The following RABEPK variants were observed in gnomAD, a reference collection of about 807,000 sequenced individuals.
The protein encoded by RABEPK is Rab9 effector protein with kelch motifs.
Under a neutral mutation model 34.1 loss-of-function variants are expected in RABEPK, and 27 were observed. The ratio of observed to expected loss-of-function variants is 0.79; its 90% CI spans 0.58 to 1.09. RABEPK has a LOEUF of 1.09. RABEPK is among the 50% of genes least tolerant of loss of function. The probability of loss-of-function intolerance (pLI) is 0.00; values close to 1 mark genes in which losing one functional copy is unlikely to be tolerated. For missense variants in RABEPK, 449 were observed against 462.6 expected, an observed-to-expected ratio of 0.97 and a Z score of 0.27; for synonymous variants, 172 against 169.2, an observed-to-expected ratio of 1.02 and a Z score of -0.13.
chr9:125,228,760 G>A (rs10986658), intron 6 of RABEPK, among the ~76,000 whole-genome samples: 1,964 of 151,362 alleles, frequency 0.013, 104 homozygotes, highest in East Asian at 0.084. Context: ...TAAGGAGGTC[G>A]AGACCAGCCT....
chr9:125,218,321 C>CAAAAAAAAAA lies in RABEPK; in HGVS notation c.365-2200_365-2191dup, dbSNP rs71374234. Among the ~76,000 whole-genome samples the CAAAAAAAAAA allele has an allele frequency of 1.7e-4, 7 of 41,168 alleles. 1 individual carries two copies. The highest frequency in any genetic ancestry group is 2.5e-4 in the Non-Finnish European group (6 of 23,942). 27.0% of individuals were successfully genotyped at this position (41,168 alleles called of 152,430 possible). Reference sequence around the variant, plus strand: ...TGGGAGCCACAGCGAGACTCCGTCTCAAAAAAAAAAAAAAAAAAAAAAAAA... The same window carrying CAAAAAAAAAA: ...TGGGAGCCACAGCGAGACTCCGTCTCAAAAAAAAAAAAAAAAAAAAAAAAAAAAAAAAAAA... On this transcript the variant is annotated intron_variant, in intron 4 of 7. Transcript: ENST00000373538.
intron 5 of RABEPK, among the ~76,000 whole-genome samples, chr9:125,225,360 C>G (rs1350354520): frequency 6.7e-6 from 1 of 149,730 alleles, no homozygotes; most frequent in Non-Finnish European, 1.5e-5. Context: ...GCACTCCAGC[C>G]TAGGCAACAA....
intron 1 of RABEPK, among the ~76,000 whole-genome samples, chr9:125,201,511 C>T (rs550761333): frequency 2.6e-5 from 4 of 152,290 alleles, no homozygotes; most frequent in African/African-American, 9.6e-5. Flanking sequence ...AGAGCAGTGG[C>T]TCACACCTGT....
intron 4 of RABEPK, 91 bp downstream of exon 4, chr9:125,213,613 A>C (rs1018047759): frequency 1.7e-6 from 2 of 1,157,678 alleles, no homozygotes; most frequent in Non-Finnish European, 2.4e-6. Context: ...TTATAATTCC[A>C]GTACATTTGG....
chr9:125,209,086 C>CT (rs1830426847), intron 3 of RABEPK, among the ~76,000 whole-genome samples: 1 of 127,452 alleles, frequency 7.8e-6, no homozygotes. Context: ...GAGACCAAGT[C>CT]TTGCTCTGTT....
rs545212807 is a variant in RABEPK at position 125,232,227 on chromosome 9, C to A, written c.677-369C>A. On this transcript the variant is annotated intron_variant, in intron 6 of 7. Transcript: ENST00000373538. ...GAACTGTATTTAAAGTACACACACA[C>A]ACACACACACACACACACAGAGACA... 1.8e-4 allele frequency among the ~76,000 whole-genome samples: 19 copies of A among 107,358 alleles called. No individual in the cohort carries two copies. The East Asian group carries it at 3.5e-3, about 20-fold the overall frequency. The allele number at this position is 107,358 out of a possible 152,430, so 70.4% of individuals were successfully genotyped here. A position where few individuals can be genotyped will look rare whatever the true frequency, so the allele number is the denominator to read the frequency against.
intron 4 of RABEPK, among the ~76,000 whole-genome samples, chr9:125,217,351 T>C (rs1186668701): frequency 3.3e-5 from 5 of 152,138 alleles, no homozygotes; most frequent in African/African-American, 1.2e-4. Flanking sequence ...TAAAATAAAG[T>C]GAGAATTTGG....
chr9:125,201,675 G>GGT (rs1564169001), intron 1 of RABEPK, among the ~76,000 whole-genome samples: 6 of 152,018 alleles, frequency 3.9e-5, no homozygotes, highest in African/African-American at 1.2e-4. Flanking sequence ...TGCAAGTGGC[G>GGT]CAATTTCGGC....
intron 5 of RABEPK, among the ~76,000 whole-genome samples, chr9:125,226,272 G>A (rs1325585697): frequency 4.0e-5 from 6 of 151,104 alleles, no homozygotes; most frequent in Admixed American, 1.3e-4. Flanking sequence ...GGCGAAGATC[G>A]CACTTGTGCA....
At chr9:125,220,744 G>C (rs1031510473) in intron 5 of RABEPK, 44 bp downstream of exon 5, 11 of 1,582,144 alleles carry the variant, frequency 7.0e-6, no homozygotes, top group Non-Finnish European at 9.5e-6. Flanking sequence ...GGCCATCCCA[G>C]TTTACACATT....
chr9:125,214,806 T>G (rs574118984), intron 4 of RABEPK, among the ~76,000 whole-genome samples: 20 of 151,782 alleles, frequency 1.3e-4, no homozygotes, highest in Non-Finnish European at 2.4e-4. Context: ...TTTTTTTTTT[T>G]TGTGACGGAG....
chr9:125,213,569 T>G, intron 4 of RABEPK, 47 bp downstream of exon 4: 1 of 1,460,102 alleles, frequency 6.8e-7, no homozygotes, highest in Admixed American at 1.7e-5. Context: ...AAATAAACTT[T>G]CATGCACACA....
intron 4 of RABEPK, among the ~76,000 whole-genome samples, chr9:125,218,702 TG>T (rs1216288075): frequency 6.6e-6 from 1 of 152,172 alleles, no homozygotes; most frequent in Non-Finnish European, 1.5e-5. Flanking sequence ...TTCTTAGGCA[TG>T]TCACTTTATC....
Position 125,224,216 on chromosome 9 carries a change from A to C in RABEPK, c.526+3516A>C, listed in dbSNP as rs529265048. 1.3e-4 allele frequency among the ~76,000 whole-genome samples: 19 copies of C among 151,672 alleles called. No individual in the cohort carries two copies. In the East Asian group the frequency reaches 2.7e-3, roughly 22 times the overall value. ...ATCTCAAAAAACAAAAACAAAACAA[A>C]AAAAAAAAACAACAGAGTTTTTGCA... On this transcript the variant is annotated intron_variant, in intron 5 of 7. Transcript: ENST00000373538.
At position 125,200,771 on chromosome 9, in the gene RABEPK, A is replaced by G. The variant is rs1030064622; in HGVS notation, c.-142A>G. 28 of 471,074 alleles carry G rather than the reference A, an allele frequency of 5.9e-5. No homozygotes were observed. Among genetic ancestry groups the G allele is most frequent in the Non-Finnish European group, 1.1e-4 (24 of 227,068 alleles). The allele number at this position is 471,074 out of a possible 1,614,324, so 29.2% of individuals were successfully genotyped here. On this transcript the variant is annotated 5_prime_UTR_variant, in exon 1 of 8. Transcript: ENST00000373538. Reference sequence around the variant, plus strand: ...CTGTTCTTTCCCGACCCCGTCTCCTATCCCCTAGAACTGCCACGTGGGGAT... The same window carrying G: ...CTGTTCTTTCCCGACCCCGTCTCCTGTCCCCTAGAACTGCCACGTGGGGAT...
intron 5 of RABEPK, among the ~76,000 whole-genome samples, chr9:125,227,389 C>G (rs1360015219): frequency 6.6e-6 from 1 of 151,620 alleles, no homozygotes; most frequent in African/African-American, 2.4e-5. Context: ...CTCTCCAGCC[C>G]TAGAAGCATG....
chr9:125,219,187 ATTTC>A (rs1831150131), intron 4 of RABEPK, among the ~76,000 whole-genome samples: 3 of 84,444 alleles, frequency 3.6e-5, no homozygotes, highest in African/African-American at 1.5e-4. Context: ...TTTTTTTTTC[ATTTC>A]TTTCTTTCTT....
At position 125,206,042 on chromosome 9, in the gene RABEPK, A is replaced by G. The variant is rs143728507; in HGVS notation, c.54-1522A>G. On this transcript the variant is annotated intron_variant, in intron 2 of 7. Coordinates refer to ENST00000373538, the MANE Select transcript of RABEPK (RefSeq NM_005833.4). ...AGAAAAGTGAGTGCAGAACCAAAGG[A>G]AGGGATGTGGGAAAGCCTGGCTGGG... 1.5e-3 allele frequency among the ~76,000 whole-genome samples: 234 copies of G among 152,218 alleles called. 2 individuals carry two copies. In the Middle Eastern group the frequency reaches 0.02, roughly 13 times the overall value.
At chr9:125,206,887 C>T (rs186952081) in intron 2 of RABEPK, among the ~76,000 whole-genome samples, 4 of 152,116 alleles carry the variant, frequency 2.6e-5, no homozygotes, top group African/African-American at 7.2e-5. Flanking sequence ...GTCGGGAGTT[C>T]GAGACCAGCC....
Sources: allele counts gnomAD v4.1 joint callset (sites outside exome capture counted in the v4.1 genomes callset), GRCh38; gene constraint gnomAD v4.1.1; transcripts MANE v1.5; gene names NCBI Gene and HGNC (gene_info 2026-07-23, HGNC 2026-07-21).